FAM8A1: variants seen among roughly 807,000 people sequenced by gnomAD.
FAM8A1 encodes family with sequence similarity 8 member A1, also known as protein FAM8A1.
In FAM8A1, 18 loss-of-function variants were observed where a neutral mutation model predicts 38.3. The observed-to-expected ratio is 0.47, with a 90% CI of 0.33 to 0.70. The LOEUF is 0.70. Among genes scored for constraint, FAM8A1 ranks in the 30% least tolerant of loss-of-function variants. The probability of loss-of-function intolerance (pLI) is 0.03; values close to 1 mark genes in which losing one functional copy is unlikely to be tolerated. For synonymous variants in FAM8A1, 246 were observed against 234.4 expected (o/e 1.05, Z -0.45); for missense variants, 559 against 559.6 (o/e 1.00, Z 0.01).
Position 17,609,914 on chromosome 6 carries a change from T to A in FAM8A1, c.*1575T>A, listed in dbSNP as rs140275453. The A allele has an allele frequency of 2.0e-5, 3 of 152,328 alleles. No homozygotes were observed. The East Asian group carries it at 5.8e-4, about 29-fold the overall frequency. 9.4% of individuals were successfully genotyped at this position (152,328 alleles called of 1,614,324 possible). ...CACATTTGATTATAGAAACTTAATG[T>A]CTATTAATAATTTTAGTACAAAATT... On this transcript the variant is annotated 3_prime_UTR_variant, in exon 5 of 5. Transcript: ENST00000259963.
chr6:17,600,687 G>A lies in FAM8A1; in HGVS notation c.278G>A (p.Cys93Tyr), dbSNP rs759393650. The change falls in exon 1 of 5, where the codon TGC (cysteine) becomes TAC (tyrosine). Residue 93 changes from cysteine (C) to tyrosine (Y), a missense_variant. Physicochemically the swap from Cys to Tyr is radical, Grantham distance 194 (BLOSUM62 -2). Transcript: ENST00000259963. ...SGAELQEQAG[C>Y]EAPEAAAPRE... Reference sequence around the variant, plus strand: ...GCAGAGCTGCAGGAGCAGGCGGGCTGCGAGGCGCCCGAAGCCGCGGCGCCA... The same window carrying A: ...GCAGAGCTGCAGGAGCAGGCGGGCTACGAGGCGCCCGAAGCCGCGGCGCCA... The A allele has an allele frequency of 3.1e-6, 5 of 1,601,714 alleles. No individual in the cohort carries two copies. In the East Asian group the frequency reaches 9.1e-5, roughly 29 times the overall value.
Position 17,606,892 on chromosome 6 carries a change from G to A in FAM8A1, c.1097+879G>A, listed in dbSNP as rs1764059446. Reference sequence around the variant, plus strand: ...ATTTTTGCCAGAATGATTCAGAGCTGGATTGTTACATCAAGAAATATAAAC... The same window carrying A: ...ATTTTTGCCAGAATGATTCAGAGCTAGATTGTTACATCAAGAAATATAAAC... On this transcript the variant is annotated intron_variant, in intron 4 of 4. Coordinates refer to ENST00000259963, the MANE Select transcript of FAM8A1 (RefSeq NM_016255.3). Among the ~76,000 whole-genome samples, 2 of 152,074 alleles carry A rather than the reference G, an allele frequency of 1.3e-5. 1 individual carries two copies. Among genetic ancestry groups the A allele is most frequent in the African/African-American group, 4.8e-5 (2 of 41,388 alleles).
chr6:17,600,508 C>G lies in FAM8A1; in HGVS notation c.99C>G (p.Thr33=). ...TCCCTTCCCTGAGAGGCCCTCCTAC[C>G]ACCGCCGTCCCATGCCCCCGCGACG... ...EPVPSLRGPP[T]TAVPCPRDDP... Residue 33 remains threonine, a synonymous_variant, in exon 1 of 5, where the codon ACC becomes ACG. Transcript: ENST00000259963. 7.2e-6 allele frequency: 11 copies of G among 1,534,906 alleles called. No individual in the cohort carries two copies. Among genetic ancestry groups the G allele is most frequent in the Non-Finnish European group, 8.7e-6 (10 of 1,145,258 alleles).
rs1173008426 is a variant in FAM8A1, at chr6:17,608,977, A to G, written c.*638A>G. ...TTACAACTATTCTTAATGCTTGAAC[A>G]TGTATTTAGGGGCAAGTTTCTCATG... is the stretch of plus-strand genomic sequence containing the variant. On this transcript the variant is annotated 3_prime_UTR_variant, in exon 5 of 5. Transcript: ENST00000259963. 1 of 152,118 alleles carries G rather than the reference A, an allele frequency of 6.6e-6. No individual in the cohort carries two copies. The highest frequency in any genetic ancestry group is 2.1e-4 in the South Asian group (1 of 4,830). The allele number at this position is 152,118 out of a possible 1,614,324, so 9.4% of individuals were successfully genotyped here. A position where few individuals can be genotyped will look rare whatever the true frequency, so the allele number is the denominator to read the frequency against.
intron 2 of FAM8A1, among the ~76,000 whole-genome samples, chr6:17,602,958 G>C (rs1764006649): frequency 6.6e-6 from 1 of 152,196 alleles, no homozygotes; most frequent in African/African-American, 2.4e-5. Flanking sequence ...TAGGTAAAAA[G>C]AGCCTCCAAA....
chr6:17,608,419 T>A lies in FAM8A1; in HGVS notation c.*80T>A, dbSNP rs1764088694. 2 of 1,470,714 alleles carry A rather than the reference T, an allele frequency of 1.4e-6. No individual in the cohort carries two copies. The highest frequency in any genetic ancestry group is 4.6e-5 in the Admixed American group (2 of 43,246). 91.1% of individuals were successfully genotyped at this position (1,470,714 alleles called of 1,614,324 possible). On this transcript the variant is annotated 3_prime_UTR_variant, in exon 5 of 5. Coordinates refer to ENST00000259963, the MANE Select transcript of FAM8A1 (RefSeq NM_016255.3). ...ATCAGTATCCCTGGGTTACACTAATTGATGATTTAGAAATTAAAGCAGTCA... is the reference window on the plus strand; with the variant it reads ...ATCAGTATCCCTGGGTTACACTAATAGATGATTTAGAAATTAAAGCAGTCA...
At position 17,604,916 on chromosome 6, in the gene FAM8A1, A is replaced by G; in HGVS notation, c.844A>G (p.Lys282Glu). The G allele has an allele frequency of 6.3e-7, 1 of 1,588,496 alleles. No homozygotes were observed. Among genetic ancestry groups the G allele is most frequent in the South Asian group, 1.1e-5 (1 of 87,564 alleles). The part of the protein sequence containing the change: ...MHLSGIKDIS[K>E]FAMHYIIEEI... ...TATTATTTTGTGTAGGGATATCTCTAAGTTTGCTATGCATTATATAATAGA... is the reference window on the plus strand; with the variant it reads ...TATTATTTTGTGTAGGGATATCTCTGAGTTTGCTATGCATTATATAATAGA... Residue 282 changes from lysine (K) to glutamate (E), a missense_variant, in exon 3 of 5, where the codon AAG (lysine) becomes GAG (glutamate). Physicochemically the swap from Lys to Glu is moderately conservative, Grantham distance 56. Coordinates refer to ENST00000259963, the MANE Select transcript of FAM8A1 (RefSeq NM_016255.3).
rs761114929 is a variant in FAM8A1, at chr6:17,602,630, G to C, written c.753G>C (p.Met251Ile). The change falls in exon 2 of 5, where the codon ATG (methionine) becomes ATC (isoleucine). Residue 251 changes from methionine (M) to isoleucine (I), a missense_variant. Transcript: ENST00000259963. ...YVIPSLAHRFMAEMVDFFILF... is the reference protein window; with the variant it reads ...YVIPSLAHRFIAEMVDFFILF... Reference sequence around the variant, plus strand: ...TTCCATCCTTGGCCCACAGATTTATGGCAGAGATGGTGGATTTCTTTATTC... The same window carrying C: ...TTCCATCCTTGGCCCACAGATTTATCGCAGAGATGGTGGATTTCTTTATTC... 3 of 1,612,568 alleles carry C rather than the reference G, an allele frequency of 1.9e-6. No homozygotes were observed. The highest frequency in any genetic ancestry group is 2.5e-6 in the Non-Finnish European group (3 of 1,179,600).
chr6:17,602,824 T>A, intron 2 of FAM8A1, 114 bp downstream of exon 2: 1 of 971,120 alleles, frequency 1.0e-6, no homozygotes, highest in South Asian at 2.5e-5. Context: ...GTCAGTGTCA[T>A]GATTTCTTTA....
At position 17,600,564 on chromosome 6, in the gene FAM8A1, G is replaced by C. The variant is rs747247564; in HGVS notation, c.155G>C (p.Arg52Pro). The C allele has an allele frequency of 1.3e-6, 2 of 1,497,742 alleles. No homozygotes were observed. The highest frequency in any genetic ancestry group is 1.8e-6 in the Non-Finnish European group (2 of 1,127,786). The allele number at this position is 1,497,742 out of a possible 1,614,324, so 92.8% of individuals were successfully genotyped here. ...DPQAEPQAPGRPTAPGLAAAA... is the reference protein window; with the variant it reads ...DPQAEPQAPGPPTAPGLAAAA... ...CAGGCCGAACCCCAGGCCCCGGGCC[G>C]GCCCACAGCCCCGGGCCTCGCGGCT... Residue 52 changes from arginine (R) to proline (P), a missense_variant, in exon 1 of 5, where the codon CGG (arginine) becomes CCG (proline). By Grantham distance (103) the Arg-to-Pro change is moderately radical. This residue lies in a region of FAM8A1 where 393 missense variants were observed against 338.9 expected (regional missense o/e 1.16). Coordinates refer to ENST00000259963, the MANE Select transcript of FAM8A1 (RefSeq NM_016255.3).
intron 3 of FAM8A1, 37 bp downstream of exon 3, chr6:17,605,066 A>C: frequency 1.3e-6 from 2 of 1,563,448 alleles, no homozygotes; most frequent in Non-Finnish European, 8.7e-7. Context: ...AATATTTAAC[A>C]ATCTAATTTT....
Position 17,600,695 on chromosome 6 carries a change from C to A in FAM8A1, c.286C>A (p.Pro96Thr), listed in dbSNP as rs758353189. ...GCAGGAGCAGGCGGGCTGCGAGGCG[C>A]CCGAAGCCGCGGCGCCACGAGAGAG... is the stretch of plus-strand genomic sequence containing the variant. ...ELQEQAGCEA[P>T]EAAAPRERPA... Residue 96 changes from proline (P) to threonine (T), a missense_variant, in exon 1 of 5, where the codon CCC becomes ACC. This residue lies in a region of FAM8A1 where 393 missense variants were observed against 338.9 expected (regional missense o/e 1.16). Transcript: ENST00000259963. 1 of 1,584,438 alleles carries A rather than the reference C, an allele frequency of 6.3e-7. No homozygotes were observed. The highest frequency in any genetic ancestry group is 8.6e-7 in the Non-Finnish European group (1 of 1,169,346).
At position 17,610,326 on chromosome 6, in the gene FAM8A1, T is replaced by C. The variant is rs1311664127; in HGVS notation, c.*1987T>C. On this transcript the variant is annotated 3_prime_UTR_variant, in exon 5 of 5. Coordinates refer to ENST00000259963, the MANE Select transcript of FAM8A1 (RefSeq NM_016255.3). ...CAAAAGCAAACTAGTCCAGTTTAAT[T>C]TTTTGTACTTAGAATATTGCACATT... is the stretch of plus-strand genomic sequence containing the variant. 1 of 152,148 alleles carries C rather than the reference T, an allele frequency of 6.6e-6. No homozygotes were observed. Among genetic ancestry groups the C allele is most frequent in the Non-Finnish European group, 1.5e-5 (1 of 67,998 alleles). 9.4% of individuals were successfully genotyped at this position (152,148 alleles called of 1,614,324 possible).
chr6:17,601,329 G>A (rs916637571), intron 1 of FAM8A1, among the ~76,000 whole-genome samples: 1 of 152,180 alleles, frequency 6.6e-6, no homozygotes, highest in Non-Finnish European at 1.5e-5. Context: ...TTTAGACCTG[G>A]CACTCCAAAT....
rs1764130591 is a variant in FAM8A1, at chr6:17,610,762, C to T, written c.*2423C>T. 1 of 152,056 alleles carries T rather than the reference C, an allele frequency of 6.6e-6. No homozygotes were observed. The highest frequency in any genetic ancestry group is 2.1e-4 in the South Asian group (1 of 4,818). 9.4% of individuals were successfully genotyped at this position (152,056 alleles called of 1,614,324 possible). On this transcript the variant is annotated 3_prime_UTR_variant, in exon 5 of 5. Transcript: ENST00000259963. ...TGTACAAACATATTCATCACTTTAA[C>T]AATAAGGGAACAAAATTTAGTATTC...
rs2113748061 is a variant in FAM8A1 at position 17,608,306 on chromosome 6, A to G, written c.1209A>G (p.Gly403=). The stretch of plus-strand genomic sequence containing the variant: ...GAACAGCTTATGACATTGTAGCAGG[A>G]ACCATTGTGGTAAAAAGAAATGGGG... The part of the protein sequence containing the change: ...HNRTAYDIVA[G]TIVVKRNGVR The change falls in exon 5 of 5, where the codon GGA becomes GGG. Residue 403 remains glycine (G), a synonymous_variant. Coordinates refer to ENST00000259963, the MANE Select transcript of FAM8A1 (RefSeq NM_016255.3). 1.9e-6 allele frequency: 3 copies of G among 1,612,414 alleles called. No homozygotes were observed. Among genetic ancestry groups the G allele is most frequent in the Non-Finnish European group, 2.5e-6 (3 of 1,179,688 alleles).
chr6:17,600,649 C>T lies in FAM8A1; in HGVS notation c.240C>T (p.Ala80=), dbSNP rs1309778924. 1.6e-5 allele frequency: 25 copies of T among 1,552,898 alleles called. No individual in the cohort carries two copies. The highest frequency in any genetic ancestry group is 2.0e-5 in the Non-Finnish European group (23 of 1,155,510). Reference sequence around the variant, plus strand: ...AGCTCAGGAAGCGCGGGGAGGCGGCCTCCGGCTCCGGTGCAGAGCTGCAGG... The same window carrying T: ...AGCTCAGGAAGCGCGGGGAGGCGGCTTCCGGCTCCGGTGCAGAGCTGCAGG... ...PRELRKRGEA[A]SGSGAELQEQ... The change falls in exon 1 of 5, where the codon GCC becomes GCT. Residue 80 remains alanine (A), a synonymous_variant. Transcript: ENST00000259963.
intron 2 of FAM8A1, among the ~76,000 whole-genome samples, chr6:17,603,661 T>C (rs1764015783): frequency 6.6e-6 from 1 of 152,128 alleles, no homozygotes; most frequent in Non-Finnish European, 1.5e-5. Context: ...CACTGCAGCC[T>C]TGATCTCCTG....
Position 17,610,055 on chromosome 6 carries a change from T to G in FAM8A1, c.*1716T>G, listed in dbSNP as rs1278402625. 6.6e-6 allele frequency: 1 copy of G among 152,154 alleles called. No homozygotes were observed. The highest frequency in any genetic ancestry group is 1.5e-5 in the Non-Finnish European group (1 of 67,998). The allele number at this position is 152,154 out of a possible 1,614,324, so 9.4% of individuals were successfully genotyped here. ...ATTCAGTTGCACCCATGGGGAAGAT[T>G]GTGTTACTGCCCTTCACAGTGAAAA... On this transcript the variant is annotated 3_prime_UTR_variant, in exon 5 of 5. Coordinates refer to ENST00000259963, the MANE Select transcript of FAM8A1 (RefSeq NM_016255.3).
Sources: gnomAD v4.1 joint callset for allele counts (sites outside exome capture counted in the v4.1 genomes callset) on GRCh38, gnomAD v4.1.1 for gene constraint, gnomAD v4.1.1 regional missense constraint, MANE v1.5 for transcripts, NCBI Gene and HGNC (gene_info 2026-07-23, HGNC 2026-07-21) for gene names.